GABRA5: variants seen among roughly 807,000 people sequenced by gnomAD.
GABRA5 encodes the protein gamma-aminobutyric acid type A receptor subunit alpha5.
Under a neutral mutation model 47.3 loss-of-function variants are expected in GABRA5, and 18 were observed. That is an observed-to-expected ratio of 0.38 (90% CI 0.26 to 0.56). GABRA5 has a LOEUF of 0.56. Among genes scored for constraint, GABRA5 ranks in the 20% least tolerant of loss-of-function variants. GABRA5 has a pLI of 0.71. For missense variants in GABRA5, 365 were observed against 599.3 expected (o/e 0.61, Z 4.08); for synonymous variants, 237 against 229.3 (o/e 1.03, Z -0.30).
At chr15:26,928,858 A>G (rs1894023899) in intron 7 of GABRA5, among the ~76,000 whole-genome samples, 1 of 152,166 alleles carries the variant, frequency 6.6e-6, no homozygotes, top group African/African-American at 2.4e-5. Flanking sequence ...TTAAGACAGC[A>G]TCATCTCACT....
intron 8 of GABRA5, chr15:26,939,301 C>CA (rs766877472): frequency 6.4e-5 from 49 of 765,214 alleles, no homozygotes; most frequent in Non-Finnish European, 1.1e-4. Context: ...GCCTCCCACA[C>CA]AGCCAGGCAA....
At position 26,880,931 on chromosome 15, in the gene GABRA5, G is replaced by A; in HGVS notation, c.172G>A (p.Asp58Asn). 1 of 1,613,988 alleles carries A rather than the reference G, an allele frequency of 6.2e-7. No homozygotes were observed. Among genetic ancestry groups the A allele is most frequent in the Non-Finnish European group, 8.5e-7 (1 of 1,179,892 alleles). ...IFTRILDGLL[D>N]GYDNRLRPGL... ...TACCAGGATCTTGGATGGGCTCTTG[G>A]ATGGCTACGACAACAGACTTCGGCC... The change falls in exon 4 of 11, where the codon GAT (aspartate) becomes AAT (asparagine). Residue 58 changes from aspartate to asparagine, a missense_variant. Around this residue, in one of 3 missense-constraint regions of GABRA5, gnomAD observed 216 missense variants for 335.3 expected, o/e 0.64. Transcript: ENST00000335625.
chr15:26,947,886 C>A, intron 10 of GABRA5, 48 bp from the exon 11 acceptor site: 1 of 1,496,974 alleles, frequency 6.7e-7, no homozygotes, highest in Non-Finnish European at 9.1e-7. Flanking sequence ...GGTGAGCTGA[C>A]CATTGCCTGC....
chr15:26,880,991 G>A, intron 4 of GABRA5, 24 bp downstream of exon 4: 1 of 1,610,968 alleles, frequency 6.2e-7, no homozygotes, highest in African/African-American at 1.3e-5. Flanking sequence ...CCTCAGCTGA[G>A]CCCAGCAAGG....
At chr15:26,943,884 G>A (rs538978811) in intron 10 of GABRA5, among the ~76,000 whole-genome samples, 1 of 152,186 alleles carries the variant, frequency 6.6e-6, no homozygotes, top group South Asian at 2.1e-4. Flanking sequence ...CACATAAATT[G>A]TTGTGAAAGC....
intron 7 of GABRA5, among the ~76,000 whole-genome samples, chr15:26,919,172 C>G (rs976443616): frequency 7.2e-5 from 11 of 151,978 alleles, no homozygotes; most frequent in Non-Finnish European, 1.6e-4. Flanking sequence ...AAAAAAGAGT[C>G]GGATCTTGTT....
intron 6 of GABRA5, among the ~76,000 whole-genome samples, chr15:26,886,299 C>T (rs563365039): frequency 2.0e-5 from 3 of 152,246 alleles, no homozygotes; most frequent in East Asian, 1.9e-4. Context: ...GGATTACAGG[C>T]GTGAGCCACT....
intron 7 of GABRA5, among the ~76,000 whole-genome samples, chr15:26,930,895 C>CTTTTTTTTTTTTTTTTTTT (rs555799476): frequency 8.7e-6 from 1 of 115,036 alleles, no homozygotes; most frequent in African/African-American, 3.4e-5. Context: ...TCTTTCTTTT[C>CTTTTTTTTTTTTTTTTTTT]TTTTTTTTTT....
At chr15:26,870,054 G>C (rs1009756724) in intron 3 of GABRA5, among the ~76,000 whole-genome samples, 3 of 152,124 alleles carry the variant, frequency 2.0e-5, no homozygotes, top group Non-Finnish European at 4.4e-5. Flanking sequence ...GAATTGTTCT[G>C]GTTAATCAAA....
intron 7 of GABRA5, among the ~76,000 whole-genome samples, chr15:26,926,920 G>C (rs960531625): frequency 6.6e-6 from 1 of 152,110 alleles, no homozygotes; most frequent in African/African-American, 2.4e-5. Context: ...TGAACCAACT[G>C]CAGTTAAATC....
chr15:26,879,732 T>C (rs1390174455), intron 3 of GABRA5, among the ~76,000 whole-genome samples: 1 of 152,190 alleles, frequency 6.6e-6, no homozygotes, highest in African/African-American at 2.4e-5. Context: ...TCAGCATCTC[T>C]CCATGGCTGG....
At chr15:26,933,099 TAA>T (rs34727225) in intron 7 of GABRA5, among the ~76,000 whole-genome samples, 225 of 143,606 alleles carry the variant, frequency 1.6e-3, no homozygotes, top group Admixed American at 2.6e-3. Context: ...TCCCGGAACT[TAA>T]AAAAAAAAAA....
intron 6 of GABRA5, among the ~76,000 whole-genome samples, chr15:26,886,309 T>G (rs1268079198): frequency 6.6e-6 from 1 of 152,200 alleles, no homozygotes; most frequent in Non-Finnish European, 1.5e-5. Flanking sequence ...CGTGAGCCAC[T>G]GTGCCCAGCC....
chr15:26,920,128 A>G (rs1595423323), intron 7 of GABRA5, among the ~76,000 whole-genome samples: 2 of 151,538 alleles, frequency 1.3e-5, no homozygotes, highest in African/African-American at 4.9e-5. Context: ...CTGTTTCTCC[A>G]TTTCCTTTCC....
intron 4 of GABRA5, among the ~76,000 whole-genome samples, chr15:26,881,702 A>G (rs1330654245): frequency 6.7e-6 from 1 of 149,534 alleles, no homozygotes; most frequent in Non-Finnish European, 1.5e-5. Flanking sequence ...TAGTGTTTGC[A>G]TTTTTTTTTT....
intron 7 of GABRA5, among the ~76,000 whole-genome samples, chr15:26,924,562 A>G (rs1893914534): frequency 6.6e-6 from 1 of 152,140 alleles, no homozygotes. Context: ...GACGGGCCTC[A>G]TTGCAGCTTG....
At chr15:26,879,780 G>C (rs551871969) in intron 3 of GABRA5, among the ~76,000 whole-genome samples, 2 of 152,152 alleles carry the variant, frequency 1.3e-5, no homozygotes, top group African/African-American at 4.8e-5. Flanking sequence ...TCATGGGAGA[G>C]AAAGCACTTT....
intron 6 of GABRA5, among the ~76,000 whole-genome samples, chr15:26,903,327 T>C (rs1329278527): frequency 6.6e-6 from 1 of 152,194 alleles, no homozygotes; most frequent in African/African-American, 2.4e-5. Flanking sequence ...ATGGTGTATA[T>C]GTACCACATT....
chr15:26,925,563 C>T (rs1231438044), intron 7 of GABRA5, among the ~76,000 whole-genome samples: 1 of 152,104 alleles, frequency 6.6e-6, no homozygotes, highest in Non-Finnish European at 1.5e-5. Context: ...TACATATTCT[C>T]TTTTGTATTC....
Sources: allele counts gnomAD v4.1 joint callset (sites outside exome capture counted in the v4.1 genomes callset), GRCh38; gene constraint gnomAD v4.1.1; regional missense constraint gnomAD v4.1.1; transcripts MANE v1.5; gene names NCBI Gene and HGNC (gene_info 2026-07-23, HGNC 2026-07-21).